RARB: variants seen among roughly 807,000 people sequenced by gnomAD.
The protein encoded by RARB is HBV-activated protein.
Under a neutral mutation model 51.9 loss-of-function variants are expected in RARB, and 17 were observed. The observed-to-expected ratio is 0.33, with a 90% CI of 0.22 to 0.49. RARB has a LOEUF of 0.49. RARB is among the 20% of genes least tolerant of loss of function. RARB has a pLI of 0.99. For missense variants in RARB, 369 were observed against 550.8 expected, an observed-to-expected ratio of 0.67 and a Z score of 3.30; for synonymous variants, 215 against 195.4, an observed-to-expected ratio of 1.10 and a Z score of -0.84.
chr3:25,214,139 A>G (rs1202307511), intron 5 of RARB, among the ~76,000 whole-genome samples: 1 of 152,182 alleles, frequency 6.6e-6, no homozygotes, highest in Non-Finnish European at 1.5e-5. Context: ...GTGCTCCCAG[A>G]AAAGCAGCAT....
chr3:24,938,307 A>G (rs1695587457), intron 2 of RARB, among the ~76,000 whole-genome samples: 1 of 152,074 alleles, frequency 6.6e-6, no homozygotes. Context: ...ACGGCCCTAG[A>G]GTCTTTCGTT....
At chr3:25,058,108 A>T (rs1449076833) in intron 2 of RARB, among the ~76,000 whole-genome samples, 1 of 151,960 alleles carries the variant, frequency 6.6e-6, no homozygotes, top group African/African-American at 2.4e-5. Context: ...AATGGCACTG[A>T]GTTGCCATTT....
intron 3 of RARB, among the ~76,000 whole-genome samples, chr3:25,079,359 T>A (rs956291074): frequency 6.6e-6 from 1 of 152,202 alleles, no homozygotes; most frequent in African/African-American, 2.4e-5. Context: ...GAATGCTAAT[T>A]CTTTTTCTTG....
At chr3:25,413,900 T>A (rs560074337) in intron 5 of RARB, among the ~76,000 whole-genome samples, 7 of 152,316 alleles carry the variant, frequency 4.6e-5, no homozygotes, top group Admixed American at 4.6e-4. Context: ...TTTATTGAGT[T>A]GTAATTGACA....
chr3:25,257,913 C>T (rs962356111), intron 5 of RARB, among the ~76,000 whole-genome samples: 15 of 152,144 alleles, frequency 9.9e-5, no homozygotes, highest in Non-Finnish European at 1.8e-4. Flanking sequence ...TGTGTCTACT[C>T]ATGAAGTTAG....
intron 2 of RARB, among the ~76,000 whole-genome samples, chr3:24,880,084 T>C (rs1295742597): frequency 6.6e-6 from 1 of 152,168 alleles, no homozygotes; most frequent in Non-Finnish European, 1.5e-5. Context: ...CTCTATTTTT[T>C]GCTTTCTTGC....
intron 3 of RARB, among the ~76,000 whole-genome samples, chr3:25,083,919 T>C (rs915560423): frequency 1.5e-4 from 23 of 152,188 alleles, no homozygotes; most frequent in Non-Finnish European, 2.8e-4. Context: ...CTAGATGCCC[T>C]GGGTATTCAG....
intron 2 of RARB, among the ~76,000 whole-genome samples, chr3:24,920,541 C>T (rs1487487404): frequency 6.6e-6 from 1 of 151,912 alleles, no homozygotes; most frequent in Non-Finnish European, 1.5e-5. Flanking sequence ...AAATAATCAA[C>T]TCTAATTCTC....
At chr3:25,128,364 A>G (rs1699893644) in intron 3 of RARB, among the ~76,000 whole-genome samples, 1 of 150,924 alleles carries the variant, frequency 6.6e-6, no homozygotes. Context: ...AAGTACCTAG[A>G]CTTACATGAA....
chr3:25,482,890 T>C (rs888253773), intron 2 of RARB, among the ~76,000 whole-genome samples: 1 of 152,182 alleles, frequency 6.6e-6, no homozygotes, highest in Non-Finnish European at 1.5e-5. Flanking sequence ...TTTACTAATA[T>C]ACATTATGTA....
intron 5 of RARB, among the ~76,000 whole-genome samples, chr3:25,248,921 T>C (rs1008797192): frequency 1.1e-4 from 17 of 152,188 alleles, no homozygotes; most frequent in African/African-American, 3.4e-4. Context: ...AATAAGAGTT[T>C]TTTAATTATA....
chr3:25,058,836 G>A (rs1267650008), intron 2 of RARB, among the ~76,000 whole-genome samples: 10 of 151,518 alleles, frequency 6.6e-5, no homozygotes, highest in Non-Finnish European at 4.4e-5. Context: ...GTCCCTATGA[G>A]TGAATATAAT....
rs372935514 is a variant in RARB, at chr3:25,297,901, G to A, written c.178+123326G>A. Among the ~76,000 whole-genome samples the A allele has an allele frequency of 2.6e-5, 4 of 152,182 alleles. No individual in the cohort carries two copies. The East Asian group carries it at 5.8e-4, about 22-fold the overall frequency. On this transcript the variant is annotated intron_variant, in intron 5 of 11. Coordinates refer to the RARB transcript ENST00000383772. ...CTCAACTGCTTTTAATGCCTGGTGG[G>A]GTGAGGAAGAATTGCATTCACTTAT...
At chr3:25,008,837 A>T (rs1172618819) in intron 2 of RARB, among the ~76,000 whole-genome samples, 1 of 152,134 alleles carries the variant, frequency 6.6e-6, no homozygotes, top group Non-Finnish European at 1.5e-5. Flanking sequence ...GCCAATGGCA[A>T]ATATTTTGGT....
chr3:25,362,731 C>G (rs896082289), intron 5 of RARB, among the ~76,000 whole-genome samples: 1 of 152,144 alleles, frequency 6.6e-6, no homozygotes, highest in Non-Finnish European at 1.5e-5. Context: ...GGAGGGAGTT[C>G]CCTGACTCCT....
chr3:25,178,532 G>A (rs1444342335), intron 5 of RARB, among the ~76,000 whole-genome samples: 4 of 151,886 alleles, frequency 2.6e-5, no homozygotes, highest in South Asian at 2.1e-4. Context: ...TCCAGACCCC[G>A]AGACCCCAGA....
chr3:24,926,584 G>A (rs765305231), intron 2 of RARB, among the ~76,000 whole-genome samples: 2 of 152,080 alleles, frequency 1.3e-5, no homozygotes, highest in Non-Finnish European at 2.9e-5. Flanking sequence ...ATGAGCTAGT[G>A]ATGCTTCGAG....
chr3:25,327,070 A>G (rs892986723), intron 5 of RARB, among the ~76,000 whole-genome samples: 4 of 152,052 alleles, frequency 2.6e-5, no homozygotes, highest in Admixed American at 6.5e-5. Flanking sequence ...ATTCCCACCT[A>G]TAAGTGAGAA....
intron 2 of RARB, among the ~76,000 whole-genome samples, chr3:25,049,132 T>A (rs1438711126): frequency 6.6e-6 from 1 of 152,152 alleles, no homozygotes; most frequent in Non-Finnish European, 1.5e-5. Flanking sequence ...TTTCAGCTGA[T>A]TTGGAGAAGT....
Sources: gnomAD v4.1 joint callset for allele counts (sites outside exome capture counted in the v4.1 genomes callset) on GRCh38, gnomAD v4.1.1 for gene constraint, MANE v1.5 for transcripts, NCBI Gene and HGNC (gene_info 2026-07-23, HGNC 2026-07-21) for gene names.